Variants in LRRC9 observed in about 807,000 individuals in gnomAD.
LRRC9 encodes the protein leucine-rich repeat-containing protein 9.
LRRC9 carries 122 observed loss-of-function variants against 63.2 expected under a neutral mutation model. That is an observed-to-expected ratio of 1.93 (90% confidence interval 1.67 to 2.24). The LOEUF (loss-of-function observed/expected upper bound fraction) is 2.24. LRRC9 is among the 30% of genes most tolerant of loss of function. LRRC9 has a pLI of 0.00. For synonymous variants in LRRC9, 366 were observed against 213.1 expected (o/e 1.72, Z -6.25); for missense variants, 1,071 against 627.7 (o/e 1.71, Z -7.55).
In LRRC9 at chr14:59,922,347, A is replaced by G. The variant is rs1888859510; in HGVS notation, c.-34+2464A>G. 6.6e-6 allele frequency among the ~76,000 whole-genome samples: 1 copy of G among 152,216 alleles called. No individual in the cohort carries two copies. Among genetic ancestry groups the G allele is most frequent in the African/African-American group, 2.4e-5 (1 of 41,452 alleles). On this transcript the variant is annotated intron_variant, in intron 1 of 31. Coordinates refer to ENST00000445360, the Ensembl canonical transcript of LRRC9. The surrounding 1 kb of genome is among the most constrained non-coding windows in gnomAD (Gnocchi z 5.3). Reference sequence around the variant, plus strand: ...TCTCAGTCCAGATGGCAGTGAATCCAGGACTGAAAGCAGGTAGTGATGTGT... The same window carrying G: ...TCTCAGTCCAGATGGCAGTGAATCCGGGACTGAAAGCAGGTAGTGATGTGT...
Position 60,031,953 on chromosome 14 carries a change from G to A in LRRC9, c.3922-42G>A. 1 of 687,358 alleles carries A rather than the reference G, an allele frequency of 1.5e-6. No individual in the cohort carries two copies. The highest frequency in any genetic ancestry group is 2.6e-6 in the Non-Finnish European group (1 of 379,738). 42.6% of individuals were successfully genotyped at this position (687,358 alleles called of 1,614,324 possible). ...AAATTAGTCTATATTTTAAGATGTTGAGTCTAACCAAATAATAACTTACTG... is the reference window on the plus strand; with the variant it reads ...AAATTAGTCTATATTTTAAGATGTTAAGTCTAACCAAATAATAACTTACTG... On this transcript the variant is annotated intron_variant, in intron 28 of 31. Transcript: ENST00000445360. This position sits in a 1 kb window ranked among gnomAD's most constrained non-coding sequence, Gnocchi z 4.6.
intron 15 of LRRC9, among the ~76,000 whole-genome samples, chr14:59,979,322 T>C (rs990769322): frequency 2.0e-5 from 3 of 152,184 alleles, no homozygotes; most frequent in African/African-American, 7.2e-5. Context: ...TTAATTTTAA[T>C]TGTAAGAAAA....
intron 8 of LRRC9, among the ~76,000 whole-genome samples, chr14:59,944,992 A>G (rs78794373): frequency 0.014 from 2,175 of 152,030 alleles, 52 homozygotes; most frequent in East Asian, 0.059. Flanking sequence ...CAATTCAAAA[A>G]AGGTATAGGC....
chr14:59,985,333 G>C (rs1011206597), intron 17 of LRRC9, 109 bp downstream of exon 17: 6 of 484,936 alleles, frequency 1.2e-5, no homozygotes, highest in African/African-American at 9.5e-5. Context: ...ATTGGTCAAA[G>C]GGTATAAACT....
Position 60,003,784 on chromosome 14 carries a change from TC to T in LRRC9, c.2829del (p.Ser944GlnfsTer3), listed in dbSNP as rs1289914313. On this transcript the variant is annotated frameshift_variant, in exon 21 of 32. Coordinates refer to ENST00000445360, the Ensembl canonical transcript of LRRC9. LOFTEE classifies it high-confidence loss of function. This position sits in a 1 kb window ranked among gnomAD's most constrained non-coding sequence, Gnocchi z 4.2. ...GAGCTCACATTAGATGGAAACTGCA[TC>T]TCAAAGATAGAAGGTAAGGTACTTA... 3.3e-6 allele frequency: 2 copies of T among 611,222 alleles called. No homozygotes were observed. Among genetic ancestry groups the T allele is most frequent in the East Asian group, 3.0e-5 (1 of 33,252 alleles). The allele number at this position is 611,222 out of a possible 1,614,324, so 37.9% of individuals were successfully genotyped here. A position where few individuals can be genotyped will look rare whatever the true frequency, so the allele number is the denominator to read the frequency against.
At chr14:59,988,117 C>T (rs916665505) in intron 17 of LRRC9, among the ~76,000 whole-genome samples, 5 of 152,170 alleles carry the variant, frequency 3.3e-5, no homozygotes, top group African/African-American at 1.2e-4. Flanking sequence ...CCCTAATGGC[C>T]TTTGATAGCT....
At chr14:60,021,276 A>C (rs1013012523) in intron 26 of LRRC9, among the ~76,000 whole-genome samples, 1 of 151,958 alleles carries the variant, frequency 6.6e-6, no homozygotes, top group Non-Finnish European at 1.5e-5. Flanking sequence ...ATGCTTATTA[A>C]TCCTTCATAT....
intron 29 of LRRC9, among the ~76,000 whole-genome samples, chr14:60,047,216 G>A (rs183674320): frequency 3.9e-5 from 6 of 152,124 alleles, no homozygotes; most frequent in East Asian, 3.9e-4. Context: ...AAACATAGTC[G>A]GAATTCCTCT....
intron 16 of LRRC9, among the ~76,000 whole-genome samples, chr14:59,983,407 T>A (rs1361295354): frequency 6.6e-6 from 1 of 152,236 alleles, no homozygotes; most frequent in Middle Eastern, 3.2e-3. Flanking sequence ...TTTACTATTT[T>A]AGTAAGAAAT....
rs190065096 is a variant in LRRC9, at chr14:59,944,478, T to G, written c.727-111T>G. The G allele has an allele frequency of 2.6e-4, 110 of 418,176 alleles. 1 individual carries two copies. Among genetic ancestry groups the G allele is most frequent in the African/African-American group, 1.8e-3 (90 of 48,804 alleles). 25.9% of individuals were successfully genotyped at this position (418,176 alleles called of 1,614,324 possible). A position where few individuals can be genotyped will look rare whatever the true frequency, so the allele number is the denominator to read the frequency against. ...TGTCATCATTATTAGTAACTAAGCA[T>G]GCAAATCATCTAAATTGTTATATAG... On this transcript the variant is annotated intron_variant, in intron 7 of 31. Coordinates refer to ENST00000445360, the Ensembl canonical transcript of LRRC9.
intron 10 of LRRC9, 49 bp downstream of exon 10, chr14:59,961,094 T>C (rs1348012720): frequency 1.9e-6 from 1 of 539,072 alleles, no homozygotes; most frequent in African/African-American, 1.9e-5. Context: ...CTTAAGTACT[T>C]AGGATCATCA....
At chr14:60,046,579 T>A (rs1240887088) in intron 29 of LRRC9, among the ~76,000 whole-genome samples, 1 of 152,134 alleles carries the variant, frequency 6.6e-6, no homozygotes, top group Non-Finnish European at 1.5e-5. Context: ...GATCAGATGG[T>A]TGTAGGTGTG....
At chr14:59,947,351 GTTGT>G (rs1321789759) in intron 8 of LRRC9, among the ~76,000 whole-genome samples, 3 of 110,816 alleles carry the variant, frequency 2.7e-5, no homozygotes, top group African/African-American at 3.8e-5. Context: ...TTTTGATGGG[GTTGT>G]TTGTTTTTTT....
chr14:60,040,437 G>C (rs868639933), intron 29 of LRRC9, among the ~76,000 whole-genome samples: 9 of 151,844 alleles, frequency 5.9e-5, no homozygotes, highest in Non-Finnish European at 1.0e-4. Context: ...TATGAATCTG[G>C]GTGCTCCTGT....
chr14:60,065,860 A>G (rs565261680), downstream of LRRC9, among the ~76,000 whole-genome samples: 49 of 151,792 alleles, frequency 3.2e-4, 1 homozygote, highest in South Asian at 0.01. Flanking sequence ...AAATTAAGGC[A>G]CTTTATAGAT....
At chr14:59,997,914 T>C (rs1888967713) in intron 18 of LRRC9, 67 bp downstream of exon 18, 1 of 602,594 alleles carries the variant, frequency 1.7e-6, no homozygotes, top group African/African-American at 1.9e-5. Context: ...CTACTAACTT[T>C]ACTATTTAGT....
chr14:59,927,862 A>G lies in LRRC9; in HGVS notation c.-33-49A>G. 1.7e-6 allele frequency: 1 copy of G among 590,794 alleles called. No homozygotes were observed. The highest frequency in any genetic ancestry group is 3.0e-6 in the Non-Finnish European group (1 of 335,696). 36.6% of individuals were successfully genotyped at this position (590,794 alleles called of 1,614,324 possible). A position where few individuals can be genotyped will look rare whatever the true frequency, so the allele number is the denominator to read the frequency against. On this transcript the variant is annotated intron_variant, in intron 1 of 31. Transcript: ENST00000445360. The surrounding 1 kb of genome is among the most constrained non-coding windows in gnomAD (Gnocchi z 4.4). ...AGCTTTAAGGTCTATTTCAACTTGG[A>G]ATGACAATGACTTTAATATTTATTT...
At chr14:60,056,159 T>C (rs1043549335) in intron 30 of LRRC9, among the ~76,000 whole-genome samples, 1 of 152,186 alleles carries the variant, frequency 6.6e-6, no homozygotes, top group African/African-American at 2.4e-5. Context: ...TGCAAAGTAC[T>C]TTGCCATGTA....
At chr14:60,048,299 T>C (rs1477061332) in intron 29 of LRRC9, among the ~76,000 whole-genome samples, 1 of 151,640 alleles carries the variant, frequency 6.6e-6, no homozygotes, top group African/African-American at 2.4e-5. Flanking sequence ...AGAGCAGAAC[T>C]GAAGGAGGAA....
Sources: gnomAD v4.1 joint callset for allele counts (sites outside exome capture counted in the v4.1 genomes callset) on GRCh38, gnomAD v4.1.1 for gene constraint, Gnocchi (gnomAD v3.1) non-coding constraint, MANE v1.5 for transcripts, NCBI Gene and HGNC (gene_info 2026-07-23, HGNC 2026-07-21) for gene names.